GRID2: variants seen among roughly 807,000 people sequenced by gnomAD.
GRID2 encodes the protein glutamate ionotropic receptor delta type subunit 2.
In GRID2, 33 loss-of-function variants were observed where a neutral mutation model predicts 114.8. The ratio of observed to expected loss-of-function variants is 0.29; its 90% CI spans 0.22 to 0.38. The LOEUF (loss-of-function observed/expected upper bound fraction) is 0.38. GRID2 is among the 10% of genes least tolerant of loss of function. The pLI is 1.00. For missense variants in GRID2, 1,184 were observed against 1,257.7 expected, an observed-to-expected ratio of 0.94 and a Z score of 0.89; for synonymous variants, 505 against 449.9, an observed-to-expected ratio of 1.12 and a Z score of -1.55.
chr4:93,710,177 T>C (rs1728362514), intron 14 of GRID2, among the ~76,000 whole-genome samples: 1 of 152,242 alleles, frequency 6.6e-6, no homozygotes, highest in East Asian at 1.9e-4. Context: ...ATTGTAGTCT[T>C]CATGATCTGG....
At chr4:93,630,180 G>T (rs1399410244) in intron 14 of GRID2, among the ~76,000 whole-genome samples, 1 of 152,140 alleles carries the variant, frequency 6.6e-6, no homozygotes, top group Admixed American at 6.5e-5. Context: ...GGCAGCAGAA[G>T]TTAAAGTCAG....
At chr4:92,660,129 C>A (rs577103032) in intron 2 of GRID2, among the ~76,000 whole-genome samples, 267 of 151,430 alleles carry the variant, frequency 1.8e-3, no homozygotes, top group African/African-American at 6.2e-3. Context: ...ATGTAGAAAT[C>A]ATGCATGCAA....
intron 2 of GRID2, among the ~76,000 whole-genome samples, chr4:92,753,429 T>C (rs1705192806): frequency 6.6e-6 from 1 of 152,164 alleles, no homozygotes; most frequent in Admixed American, 6.6e-5. Context: ...AAAACCAGGT[T>C]GTCTGAAACC....
intron 1 of GRID2, among the ~76,000 whole-genome samples, chr4:92,503,106 C>G (rs192263630): frequency 6.6e-6 from 1 of 152,002 alleles, no homozygotes; most frequent in Non-Finnish European, 1.5e-5. Flanking sequence ...TTTATGTAAA[C>G]GCTTTCTTTC....
intron 2 of GRID2, among the ~76,000 whole-genome samples, chr4:92,934,228 C>G (rs1004493408): frequency 1.3e-5 from 2 of 151,676 alleles, no homozygotes; most frequent in Non-Finnish European, 2.9e-5. Context: ...GTTTCTAGTT[C>G]TCCTTGAAGA....
intron 8 of GRID2, among the ~76,000 whole-genome samples, chr4:93,362,448 G>A (rs899595334): frequency 4.0e-5 from 6 of 151,888 alleles, no homozygotes; most frequent in African/African-American, 1.5e-4. Context: ...TAAATGTTTG[G>A]CAGGTCTCAT....
intron 2 of GRID2, among the ~76,000 whole-genome samples, chr4:92,596,222 A>G (rs1394992394): frequency 1.8e-5 from 1 of 56,700 alleles, no homozygotes; most frequent in Admixed American, 2.3e-4. Context: ...GTATGATTCT[A>G]TTCATTCATT....
intron 2 of GRID2, among the ~76,000 whole-genome samples, chr4:92,761,887 A>G (rs1738027035): frequency 6.6e-6 from 1 of 152,112 alleles, no homozygotes; most frequent in African/African-American, 2.4e-5. Flanking sequence ...GAAAATATAA[A>G]ATATAATATT....
intron 14 of GRID2, among the ~76,000 whole-genome samples, chr4:93,677,822 A>G (rs1725061991): frequency 6.6e-6 from 1 of 152,188 alleles, no homozygotes; most frequent in Non-Finnish European, 1.5e-5. Flanking sequence ...AAAACCACAA[A>G]GATGGGGAAA....
intron 1 of GRID2, among the ~76,000 whole-genome samples, chr4:92,440,506 C>A (rs1011160160): frequency 6.6e-6 from 1 of 151,978 alleles, no homozygotes; most frequent in African/African-American, 2.4e-5. Flanking sequence ...TGGGGCAAAT[C>A]CTCGAGCTTG....
chr4:92,960,567 G>C (rs1366873934), intron 2 of GRID2, among the ~76,000 whole-genome samples: 1 of 151,788 alleles, frequency 6.6e-6, no homozygotes, highest in Non-Finnish European at 1.5e-5. Context: ...TCTGAAATTT[G>C]TTTTGATGAT....
At chr4:93,605,410 T>G (rs1740130979) in intron 13 of GRID2, among the ~76,000 whole-genome samples, 1 of 152,188 alleles carries the variant, frequency 6.6e-6, no homozygotes, top group Admixed American at 6.5e-5. Flanking sequence ...TTGGTATCTA[T>G]GCTACTTAAA....
intron 8 of GRID2, among the ~76,000 whole-genome samples, chr4:93,392,046 C>T (rs552067098): frequency 5.7e-4 from 87 of 152,088 alleles, no homozygotes; most frequent in Middle Eastern, 3.4e-3. Flanking sequence ...TTTTTTATCC[C>T]GTCTAAATTT....
intron 1 of GRID2, among the ~76,000 whole-genome samples, chr4:92,493,334 A>T (rs1420974104): frequency 6.6e-6 from 1 of 152,156 alleles, no homozygotes; most frequent in African/African-American, 2.4e-5. Context: ...TTCTTATTTA[A>T]CTTTCTTCCA....
intron 2 of GRID2, among the ~76,000 whole-genome samples, chr4:92,700,512 TCTC>T (rs1374516640): frequency 6.6e-6 from 1 of 152,134 alleles, no homozygotes; most frequent in African/African-American, 2.4e-5. Context: ...AAAACCTAAT[TCTC>T]CTTTCCCTTA....
chr4:93,416,875 T>A lies in GRID2; in HGVS notation c.1348-5896T>A, dbSNP rs537260266. Among the ~76,000 whole-genome samples the A allele has an allele frequency of 1.6e-4, 24 of 152,224 alleles. No individual in the cohort carries two copies. In the South Asian group the frequency reaches 4.6e-3, roughly 29 times the overall value. ...ACACCCTTTTCTACAAGCAGGTCTG[T>A]GGATCCTCATGCTAATGTACTTAGA... On this transcript the variant is annotated intron_variant, in intron 9 of 15. Coordinates refer to ENST00000282020, the MANE Select transcript of GRID2 (RefSeq NM_001510.4).
At chr4:92,919,173 T>C (rs1749084582) in intron 2 of GRID2, among the ~76,000 whole-genome samples, 1 of 152,190 alleles carries the variant, frequency 6.6e-6, no homozygotes, top group African/African-American at 2.4e-5. Flanking sequence ...TGGTGGTTTG[T>C]ATTTCTTTGG....
At chr4:93,529,991 C>A (rs996262468) in intron 13 of GRID2, among the ~76,000 whole-genome samples, 1 of 152,142 alleles carries the variant, frequency 6.6e-6, no homozygotes, top group African/African-American at 2.4e-5. Context: ...ACTGCCCTCC[C>A]TATCATCAGG....
intron 4 of GRID2, among the ~76,000 whole-genome samples, chr4:93,112,700 A>T (rs1257402716): frequency 6.6e-6 from 1 of 152,172 alleles, no homozygotes; most frequent in Non-Finnish European, 1.5e-5. Context: ...GAAAGTTTGC[A>T]TCTCACAGTT....
Sources: allele counts gnomAD v4.1 joint callset (sites outside exome capture counted in the v4.1 genomes callset), GRCh38; gene constraint gnomAD v4.1.1; transcripts MANE v1.5; gene names NCBI Gene and HGNC (gene_info 2026-07-23, HGNC 2026-07-21).